Variants in RFC4 observed in about 807,000 individuals in gnomAD.
RFC4 encodes the protein A1 37 kDa subunit.
RFC4 carries 38 observed loss-of-function variants against 47.6 expected under a neutral mutation model. The ratio of observed to expected loss-of-function variants is 0.80; its 90% CI spans 0.62 to 1.05. RFC4 has a LOEUF of 1.05. Ranked by LOEUF, RFC4 falls within the 50% of genes least tolerant of loss-of-function variation. The probability of loss-of-function intolerance (pLI) is 0.00; values close to 1 mark genes in which losing one functional copy is unlikely to be tolerated. For synonymous variants in RFC4, 164 were observed against 150.0 expected (o/e 1.09, Z -0.68); for missense variants, 489 against 434.0 (o/e 1.13, Z -1.13).
chr3:186,797,460 G>C, intron 4 of RFC4, 75 bp downstream of exon 4: 4 of 981,708 alleles, frequency 4.1e-6, no homozygotes, highest in Non-Finnish European at 6.3e-6. Flanking sequence ...CAAATTTTTA[G>C]AGGAAAAAAA....
rs55892828 is a variant in RFC4, at chr3:186,797,680, G to A, written c.211-66C>T. 6,384 of 1,126,362 alleles carry A rather than the reference G, an allele frequency of 5.7e-3. 152 individuals are homozygous for A. In the African/African-American group the frequency reaches 0.063, roughly 11 times the overall value. The allele number at this position is 1,126,362 out of a possible 1,614,324, so 69.8% of individuals were successfully genotyped here. A position where few individuals can be genotyped will look rare whatever the true frequency, so the allele number is the denominator to read the frequency against. ...GCACAAATAGATGAAAAGGAAGATC[G>A]AAAAAAATGTCTGTGGAATAGTGCA... is the stretch of plus-strand genomic sequence containing the variant. On this transcript the variant is annotated intron_variant, in intron 3 of 10. Coordinates refer to ENST00000296273, the MANE Select transcript of RFC4 (RefSeq NM_002916.5).
chr3:186,801,199 G>C lies in RFC4; in HGVS notation c.132-4C>G, dbSNP rs770351072. The C allele has an allele frequency of 6.2e-7, 1 of 1,613,074 alleles. No individual in the cohort carries two copies. The highest frequency in any genetic ancestry group is 2.2e-5 in the East Asian group (1 of 44,866). On this transcript the variant is annotated splice_region_variant and splice_polypyrimidine_tract_variant and intron_variant, in intron 2 of 10. Transcript: ENST00000296273. ...TTCATCCACACATTTTGGGCGACTT[G>C]CGGGGTGAGAAGGAGGAAAGAGGTT... is the stretch of plus-strand genomic sequence containing the variant.
chr3:186,792,524 A>G lies in RFC4; in HGVS notation c.641T>C (p.Ile214Thr). ...AATTTTGACATTTTCCTTCTTGGCA[A>G]TGTCTAGTAATCGCTGCTGTTGAAT... ...DKIQQQRLLD[I>T]AKKENVKISD... Residue 214 changes from isoleucine (I) to threonine (T), a missense_variant, in exon 7 of 11, where the codon ATT becomes ACT. Physicochemically the swap from Ile to Thr is moderately conservative, Grantham distance 89 (BLOSUM62 -1). Coordinates refer to ENST00000296273, the MANE Select transcript of RFC4 (RefSeq NM_002916.5). 3 of 1,613,336 alleles carry G rather than the reference A, an allele frequency of 1.9e-6. No homozygotes were observed. The highest frequency in any genetic ancestry group is 2.5e-6 in the Non-Finnish European group (3 of 1,179,334).
rs972834274 is a variant in RFC4, at chr3:186,792,850, C to G, written c.508G>C (p.Glu170Gln). The G allele has an allele frequency of 3.7e-6, 6 of 1,613,970 alleles. No homozygotes were observed. The African/African-American group carries it at 5.3e-5, about 14-fold the overall frequency. The change falls in exon 6 of 11, where the codon GAG (glutamate) becomes CAG (glutamine). Residue 170 changes from glutamate (E) to glutamine (Q), a missense_variant. Transcript: ENST00000296273. Reference protein sequence around the residue: ...QAALRRTMEKESKTTRFCLIC... With the variant: ...QAALRRTMEKQSKTTRFCLIC... ...AGACAGAATCGGGTGGTTTTCGACT[C>G]CTTCTCCATGGTACGTCTTAAAGCT...
Position 186,792,913 on chromosome 3 carries a change from G to C in RFC4, c.445C>G (p.Leu149Val), listed in dbSNP as rs1447152200. The C allele has an allele frequency of 6.2e-7, 1 of 1,613,826 alleles. No homozygotes were observed. The highest frequency in any genetic ancestry group is 8.5e-7 in the Non-Finnish European group (1 of 1,179,910). ...GAGGTCATAGAATCTGCTTCATCCA[G>C]AATCACAATCTTAAAAGGCGGACAC... ...KPCPPFKIVI[L>V]DEADSMTSAA... Residue 149 changes from leucine to valine, a missense_variant, in exon 6 of 11, where the codon CTG becomes GTG. Transcript: ENST00000296273.
rs944014773 is a variant in RFC4, at chr3:186,793,848, G to A, written c.410+810C>T. Among the ~76,000 whole-genome samples, 3 of 151,568 alleles carry A rather than the reference G, an allele frequency of 2.0e-5. No individual in the cohort carries two copies. Among genetic ancestry groups the A allele is most frequent in the African/African-American group, 2.4e-5 (1 of 41,234 alleles). On this transcript the variant is annotated intron_variant, in intron 5 of 10. Transcript: ENST00000296273. The surrounding 1 kb of genome is among the most constrained non-coding windows in gnomAD (Gnocchi z 4.2). ...CGCCATACTCCTGCCTCAGCCTCCC[G>A]AGTAGCTGGGACTACAGGCGCCCGC...
At chr3:186,791,204 T>A (rs937630912) in intron 8 of RFC4, 1 of 156,010 alleles carries the variant, frequency 6.4e-6, no homozygotes, top group Admixed American at 6.2e-5. Context: ...AACTGAAGGC[T>A]GGGTGCGGTG....
Position 186,790,315 on chromosome 3 carries a change from G to C in RFC4, c.882+11C>G. On this transcript the variant is annotated intron_variant, in intron 9 of 10. Transcript: ENST00000296273. ...ATATTCCTTTCCCCAAAGTTAGTAA[G>C]CTGACTTTACCTTGACCACAGCTTC... 1.2e-6 allele frequency: 2 copies of C among 1,611,586 alleles called. No individual in the cohort carries two copies. The highest frequency in any genetic ancestry group is 1.7e-4 in the Middle Eastern group (1 of 6,060).
At chr3:186,795,663 G>A (rs1722230233) in intron 4 of RFC4, among the ~76,000 whole-genome samples, 1 of 152,080 alleles carries the variant, frequency 6.6e-6, no homozygotes, top group Admixed American at 6.6e-5. Context: ...CGTGGTTACA[G>A]GCACCTGTAG....
intron 2 of RFC4, among the ~76,000 whole-genome samples, chr3:186,804,181 T>C (rs1188372112): frequency 2.0e-5 from 3 of 152,088 alleles, no homozygotes; most frequent in Non-Finnish European, 2.9e-5. Flanking sequence ...AGACTCCGTC[T>C]CAAAAATAGT....
intron 2 of RFC4, among the ~76,000 whole-genome samples, chr3:186,802,287 C>T (rs1328504939): frequency 6.6e-6 from 1 of 151,722 alleles, no homozygotes; most frequent in African/African-American, 2.4e-5. Flanking sequence ...GATCGCACCA[C>T]TGCACTTCAG....
At chr3:186,790,505 A>G (rs1279415187) in intron 8 of RFC4, 99 bp from the exon 9 acceptor site, 5 of 832,160 alleles carry the variant, frequency 6.0e-6, no homozygotes, top group East Asian at 2.5e-5. Flanking sequence ...TCTGTTCCAC[A>G]CCTAAGTTCC....
intron 2 of RFC4, among the ~76,000 whole-genome samples, chr3:186,803,547 A>C (rs1722404896): frequency 6.6e-6 from 1 of 151,902 alleles, no homozygotes; most frequent in African/African-American, 2.4e-5. Context: ...TCTGTCACCC[A>C]GGCTGGAATG....
Position 186,790,305 on chromosome 3 carries a change from AAGTT to A in RFC4, c.882+17_882+20del, listed in dbSNP as rs761174409. The A allele has an allele frequency of 1.2e-6, 2 of 1,612,824 alleles. No individual in the cohort carries two copies. The highest frequency in any genetic ancestry group is 1.1e-5 in the South Asian group (1 of 91,046). ...TGATGACTTAATATTCCTTTCCCCA[AAGTT>A]AGTAAGCTGACTTTACCTTGACCAC... On this transcript the variant is annotated intron_variant, in intron 9 of 10. Transcript: ENST00000296273.
At chr3:186,804,521 G>T (rs1722432356) in intron 2 of RFC4, 62 bp downstream of exon 2, 5 of 1,408,380 alleles carry the variant, frequency 3.6e-6, no homozygotes, top group Non-Finnish European at 4.8e-6. Flanking sequence ...AAAAAAAAGT[G>T]ATCAGTACTG....
chr3:186,793,400 C>T lies in RFC4; in HGVS notation c.411-453G>A, dbSNP rs1015821913. 6.6e-6 allele frequency among the ~76,000 whole-genome samples: 1 copy of T among 152,308 alleles called. No homozygotes were observed. Among genetic ancestry groups the T allele is most frequent in the Non-Finnish European group, 1.5e-5 (1 of 68,036 alleles). On this transcript the variant is annotated intron_variant, in intron 5 of 10. Transcript: ENST00000296273. This position sits in a 1 kb window ranked among gnomAD's most constrained non-coding sequence, Gnocchi z 4.2. ...ACACCACATTTATTCATCCATTAAT[C>T]GGTTGGACATTTGGGCTGTTTCCAT... is the stretch of plus-strand genomic sequence containing the variant.
In RFC4 at chr3:186,793,804, G is replaced by A. The variant is rs1722190135; in HGVS notation, c.410+854C>T. On this transcript the variant is annotated intron_variant, in intron 5 of 10. Coordinates refer to ENST00000296273, the MANE Select transcript of RFC4 (RefSeq NM_002916.5). This position sits in a 1 kb window ranked among gnomAD's most constrained non-coding sequence, Gnocchi z 4.2. ...GTGGTGCGATCTTGGCTCACTGCAA[G>A]CTCTGCCTCCTGGGTTCACGCCATA... Among the ~76,000 whole-genome samples, 2 of 151,416 alleles carry A rather than the reference G, an allele frequency of 1.3e-5. No individual in the cohort carries two copies. Among genetic ancestry groups the A allele is most frequent in the Admixed American group, 6.6e-5 (1 of 15,174 alleles).
intron 4 of RFC4, among the ~76,000 whole-genome samples, chr3:186,795,690 G>T (rs968588774): frequency 6.6e-6 from 1 of 152,136 alleles, no homozygotes; most frequent in African/African-American, 2.4e-5. Context: ...CTACTCAGGA[G>T]GCTGAGGCAG....
intron 2 of RFC4, among the ~76,000 whole-genome samples, chr3:186,803,312 C>T (rs1338201163): frequency 6.6e-6 from 1 of 151,922 alleles, no homozygotes. Flanking sequence ...CACTGCACTC[C>T]AGCCTGGGTG....
Sources: gnomAD v4.1 joint callset for allele counts (sites outside exome capture counted in the v4.1 genomes callset) on GRCh38, gnomAD v4.1.1 for gene constraint, Gnocchi (gnomAD v3.1) non-coding constraint, MANE v1.5 for transcripts, NCBI Gene and HGNC (gene_info 2026-07-23, HGNC 2026-07-21) for gene names.